PHF20: variants seen among roughly 807,000 people sequenced by gnomAD.
The protein encoded by PHF20 is glioma-expressed antigen 2.
In PHF20, 23 loss-of-function variants were observed where a neutral mutation model predicts 113.5. That is an observed-to-expected ratio of 0.20 (90% CI 0.15 to 0.29). The LOEUF is 0.29. PHF20 is among the 10% of genes least tolerant of loss of function. The pLI, the probability that PHF20 is intolerant of heterozygous loss-of-function variation, is 1.00. For missense variants in PHF20, 943 were observed against 1,219.6 expected (o/e 0.77, Z 3.38); for synonymous variants, 434 against 457.3 (o/e 0.95, Z 0.65).
At chr20:35,925,858 C>T (rs1354558864) in intron 13 of PHF20, among the ~76,000 whole-genome samples, 1 of 151,946 alleles carries the variant, frequency 6.6e-6, no homozygotes, top group Non-Finnish European at 1.5e-5. Context: ...CGCGGTGGCT[C>T]ATGCCTATAA....
intron 3 of PHF20, among the ~76,000 whole-genome samples, chr20:35,846,554 C>T (rs1024388562): frequency 2.0e-5 from 3 of 152,164 alleles, no homozygotes; most frequent in Non-Finnish European, 4.4e-5. Context: ...GCAAAAGACC[C>T]TTTAGAAGTG....
intron 12 of PHF20, among the ~76,000 whole-genome samples, chr20:35,916,080 T>C (rs995868887): frequency 6.6e-6 from 1 of 152,132 alleles, no homozygotes; most frequent in African/African-American, 2.4e-5. Flanking sequence ...AAGGCTGCAG[T>C]GAGCTGTGAT....
At chr20:35,882,312 C>T (rs1172009984) in intron 9 of PHF20, among the ~76,000 whole-genome samples, 1 of 152,210 alleles carries the variant, frequency 6.6e-6, no homozygotes, top group Non-Finnish European at 1.5e-5. Flanking sequence ...TTGTTACACT[C>T]CTACCTCTGG....
intron 4 of PHF20, among the ~76,000 whole-genome samples, chr20:35,857,065 TC>T (rs902894788): frequency 7.2e-5 from 11 of 152,036 alleles, no homozygotes; most frequent in African/African-American, 2.7e-4. Flanking sequence ...ATTCTTCGGC[TC>T]CCAGGCCTCA....
intron 9 of PHF20, among the ~76,000 whole-genome samples, chr20:35,884,767 A>T (rs1184116107): frequency 1.3e-5 from 2 of 152,208 alleles, no homozygotes; most frequent in African/African-American, 4.8e-5. Flanking sequence ...CCTATGTTGG[A>T]AAATATAGAT....
chr20:35,940,141 G>GT (rs2055948588), intron 16 of PHF20, among the ~76,000 whole-genome samples: 2 of 152,252 alleles, frequency 1.3e-5, no homozygotes, highest in South Asian at 4.1e-4. Flanking sequence ...TTTGCACATA[G>GT]TAAGTACTAA....
At chr20:35,885,005 T>G (rs576085122) in intron 9 of PHF20, among the ~76,000 whole-genome samples, 1 of 152,306 alleles carries the variant, frequency 6.6e-6, no homozygotes, top group African/African-American at 2.4e-5. Context: ...TAATTTTTTT[T>G]GTACTTTTAG....
At chr20:35,826,256 C>G (rs1486420777) in intron 2 of PHF20, among the ~76,000 whole-genome samples, 1 of 152,176 alleles carries the variant, frequency 6.6e-6, no homozygotes, top group Admixed American at 6.6e-5. Flanking sequence ...GTTGGCCAGG[C>G]CGGGCTCGAA....
At chr20:35,878,173 G>A (rs1454456467) in intron 9 of PHF20, among the ~76,000 whole-genome samples, 3 of 152,172 alleles carry the variant, frequency 2.0e-5, no homozygotes, top group Non-Finnish European at 4.4e-5. Context: ...AGTATGTATT[G>A]TGATGGAAAC....
At chr20:35,911,142 G>A (rs1163283194) in intron 10 of PHF20, among the ~76,000 whole-genome samples, 5 of 152,054 alleles carry the variant, frequency 3.3e-5, no homozygotes, top group South Asian at 2.1e-4. Context: ...CTGGGTTCAC[G>A]CCATTCTCCT....
intron 8 of PHF20, among the ~76,000 whole-genome samples, chr20:35,871,352 C>T (rs776328262): frequency 3.9e-5 from 6 of 152,162 alleles, no homozygotes; most frequent in African/African-American, 9.7e-5. Flanking sequence ...GCTTATCTAC[C>T]GTTCAGTGTT....
intron 2 of PHF20, among the ~76,000 whole-genome samples, chr20:35,832,675 T>C (rs1245004911): frequency 6.6e-6 from 1 of 152,108 alleles, no homozygotes; most frequent in Non-Finnish European, 1.5e-5. Context: ...GTGTGGTGTG[T>C]TTGAGGAATT....
intron 2 of PHF20, among the ~76,000 whole-genome samples, chr20:35,836,467 T>C (rs550146966): frequency 1.3e-5 from 2 of 152,348 alleles, no homozygotes; most frequent in South Asian, 4.1e-4. Context: ...GGCTACATAA[T>C]ATGCCATTTT....
intron 1 of PHF20, among the ~76,000 whole-genome samples, chr20:35,785,957 G>C (rs1358447125): frequency 1.3e-5 from 2 of 150,440 alleles, no homozygotes; most frequent in African/African-American, 4.9e-5. Context: ...GCTTGAACCC[G>C]GGAGGCGGAG....
At chr20:35,774,602 C>G (rs897771014) in intron 1 of PHF20, 2 of 152,152 alleles carry the variant, frequency 1.3e-5, no homozygotes, top group African/African-American at 4.8e-5. Flanking sequence ...TTGGGAAGTA[C>G]TTGAGTGTGC....
chr20:35,819,749 C>CT (rs1228142877), intron 2 of PHF20, among the ~76,000 whole-genome samples: 1 of 151,878 alleles, frequency 6.6e-6, no homozygotes, highest in Non-Finnish European at 1.5e-5. Flanking sequence ...ACACTAGGTG[C>CT]TATGAAATGA....
chr20:35,871,868 C>T, intron 9 of PHF20, 39 bp downstream of exon 9: 1 of 1,434,682 alleles, frequency 7.0e-7, no homozygotes, highest in Non-Finnish European at 9.5e-7. Context: ...TTTTTATATA[C>T]ACTTTTGCTT....
At chr20:35,784,329 G>A (rs2041364655) in intron 1 of PHF20, among the ~76,000 whole-genome samples, 1 of 151,784 alleles carries the variant, frequency 6.6e-6, no homozygotes, top group East Asian at 1.9e-4. Flanking sequence ...TGGGATTACA[G>A]GCGTGAGCCA....
intron 17 of PHF20, among the ~76,000 whole-genome samples, chr20:35,945,757 G>T (rs778366318): frequency 9.2e-5 from 14 of 152,122 alleles, no homozygotes; most frequent in Non-Finnish European, 1.6e-4. Flanking sequence ...TTAGGGGGTA[G>T]CTTAGGGAAG....
Sources: gnomAD v4.1 joint callset for allele counts (sites outside exome capture counted in the v4.1 genomes callset) on GRCh38, gnomAD v4.1.1 for gene constraint, MANE v1.5 for transcripts, NCBI Gene and HGNC (gene_info 2026-07-23, HGNC 2026-07-21) for gene names.